The following FBXW8 variants were observed in gnomAD, a reference collection of about 807,000 sequenced individuals.
FBXW8 encodes the protein F-box/WD repeat-containing protein 8.
In FBXW8, 57 loss-of-function variants were observed where a neutral mutation model predicts 65.3. The ratio of observed to expected loss-of-function variants is 0.87; its 90% CI spans 0.71 to 1.09. FBXW8 has a LOEUF of 1.09. Ranked by LOEUF, FBXW8 falls within the 50% of genes least tolerant of loss-of-function variation. FBXW8 has a pLI of 0.00. For missense variants in FBXW8, 777 were observed against 814.8 expected (o/e 0.95, Z 0.57); for synonymous variants, 308 against 330.2 (o/e 0.93, Z 0.73).
chr12:116,969,650 C>A (rs1884533698), intron 5 of FBXW8, among the ~76,000 whole-genome samples: 1 of 151,632 alleles, frequency 6.6e-6, no homozygotes, highest in Non-Finnish European at 1.5e-5. Flanking sequence ...AACTTCAGTT[C>A]TCTGGTTGTG....
intron 8 of FBXW8, among the ~76,000 whole-genome samples, chr12:117,017,386 G>T (rs1475062503): frequency 6.6e-6 from 1 of 152,176 alleles, no homozygotes; most frequent in African/African-American, 2.4e-5. Context: ...TCTATACAGA[G>T]AACTCTAAAC....
chr12:116,976,406 T>C (rs1308426102), intron 5 of FBXW8, among the ~76,000 whole-genome samples: 6 of 148,650 alleles, frequency 4.0e-5, no homozygotes, highest in African/African-American at 1.5e-4. Flanking sequence ...AAAAAATGCA[T>C]GATGATGAGT....
chr12:116,912,041 G>A (rs749757786), intron 1 of FBXW8, among the ~76,000 whole-genome samples: 2 of 152,014 alleles, frequency 1.3e-5, no homozygotes, highest in Non-Finnish European at 2.9e-5. Flanking sequence ...GGAAAATCAA[G>A]AACACCTGAA....
intron 5 of FBXW8, among the ~76,000 whole-genome samples, chr12:116,975,840 C>T (rs968676339): frequency 4.6e-5 from 7 of 152,140 alleles, no homozygotes; most frequent in Non-Finnish European, 8.8e-5. Context: ...TGAGTAATTG[C>T]CCCAGATTGG....
rs1421195739 is a variant in FBXW8 at position 116,949,668 on chromosome 12, G to T, written c.639G>T (p.Leu213Phe). Residue 213 changes from leucine (L) to phenylalanine (F), a missense_variant, in exon 4 of 11, where the codon TTG (leucine) becomes TTT (phenylalanine). Transcript: ENST00000652555. Reference sequence around the variant, plus strand: ...TGGAGCATGTTCCTGACACAGTTTTGTGTGATGTGCATTCTCACGATGGTG... The same window carrying T: ...TGGAGCATGTTCCTGACACAGTTTTTTGTGATGTGCATTCTCACGATGGTG... ...SELEHVPDTV[L>F]CDVHSHDGVV... The T allele has an allele frequency of 5.0e-6, 8 of 1,614,074 alleles. No individual in the cohort carries two copies. Among genetic ancestry groups the T allele is most frequent in the Non-Finnish European group, 6.8e-6 (8 of 1,180,038 alleles).
intron 5 of FBXW8, among the ~76,000 whole-genome samples, chr12:116,984,803 G>C (rs375716714): frequency 1.4e-4 from 21 of 152,182 alleles, no homozygotes; most frequent in African/African-American, 4.6e-4. Flanking sequence ...AAGCAGCCTG[G>C]GCAACATAGT....
intron 1 of FBXW8, among the ~76,000 whole-genome samples, chr12:116,918,249 A>G (rs1880603928): frequency 6.6e-6 from 1 of 152,136 alleles, no homozygotes; most frequent in African/African-American, 2.4e-5. Context: ...TCTTGGAGAT[A>G]GTGGATATAC....
chr12:117,028,499 C>G lies in FBXW8; in HGVS notation c.*327C>G, dbSNP rs1954292507. The G allele has an allele frequency of 2.7e-5, 7 of 256,128 alleles. No individual in the cohort carries two copies. The highest frequency in any genetic ancestry group is 1.6e-4 in the South Asian group (2 of 12,730). The allele number at this position is 256,128 out of a possible 1,614,324, so 15.9% of individuals were successfully genotyped here. Reference sequence around the variant, plus strand: ...TATACGGTCCCTGCTTAGCCAGCTTCTGTGTGTCCGCCCTCCCAGCTCCAG... The same window carrying G: ...TATACGGTCCCTGCTTAGCCAGCTTGTGTGTGTCCGCCCTCCCAGCTCCAG... On this transcript the variant is annotated 3_prime_UTR_variant, in exon 11 of 11. Coordinates refer to ENST00000652555, the MANE Select transcript of FBXW8 (RefSeq NM_153348.3). This position sits in a 1 kb window ranked among gnomAD's most constrained non-coding sequence, Gnocchi z 4.1.
intron 5 of FBXW8, among the ~76,000 whole-genome samples, chr12:116,982,836 C>A (rs1419390583): frequency 1.3e-5 from 2 of 152,150 alleles, no homozygotes; most frequent in Non-Finnish European, 2.9e-5. Flanking sequence ...CTTGGCAGCA[C>A]CCAGGGTGAG....
At chr12:116,970,249 T>C (rs897087726) in intron 5 of FBXW8, among the ~76,000 whole-genome samples, 2 of 152,190 alleles carry the variant, frequency 1.3e-5, no homozygotes, top group Admixed American at 1.3e-4. Context: ...AAAGAAGTTT[T>C]TATTTGTCCC....
chr12:116,967,894 G>A (rs921953890), intron 5 of FBXW8, among the ~76,000 whole-genome samples: 5 of 152,136 alleles, frequency 3.3e-5, no homozygotes, highest in Admixed American at 2.6e-4. Context: ...AGCCTCCTGA[G>A]TAGCTGGGAT....
intron 8 of FBXW8, 23 bp from the exon 9 acceptor site, chr12:117,024,124 C>T: frequency 1.2e-6 from 2 of 1,606,784 alleles, no homozygotes; most frequent in Non-Finnish European, 1.7e-6. Context: ...TTTCCCTTCT[C>T]TGCTCTTCCT....
Position 116,936,783 on chromosome 12 carries a change from G to A in FBXW8, c.424-8581G>A, listed in dbSNP as rs368719068. 6.6e-5 allele frequency among the ~76,000 whole-genome samples: 10 copies of A among 152,154 alleles called. No homozygotes were observed. The highest frequency in any genetic ancestry group is 2.2e-4 in the African/African-American group (9 of 41,450). On this transcript the variant is annotated intron_variant, in intron 2 of 10. Transcript: ENST00000652555. The surrounding 1 kb of genome is among the most constrained non-coding windows in gnomAD (Gnocchi z 4.6). ...CATAGGAGACTGATACGGGGATGTG[G>A]TGAGCAGAAGGATAAGAGGAGGAGA...
chr12:116,949,466 T>C, intron 3 of FBXW8, 152 bp from the exon 4 acceptor site: 1 of 673,198 alleles, frequency 1.5e-6, no homozygotes, highest in East Asian at 2.7e-5. Context: ...TTAGTCATCA[T>C]CTTTGTCTTT....
intron 5 of FBXW8, among the ~76,000 whole-genome samples, chr12:116,972,772 AATATAG>A (rs1884712305): frequency 1.3e-5 from 2 of 152,186 alleles, no homozygotes; most frequent in South Asian, 4.1e-4. Context: ...TATGGTGTTA[AATATAG>A]ATAGAGAAGT....
At chr12:116,949,867 A>G (rs1883165703) in intron 4 of FBXW8, 161 bp downstream of exon 4, 1 of 695,030 alleles carries the variant, frequency 1.4e-6, no homozygotes, top group East Asian at 2.7e-5. Context: ...TTCTGTTCCC[A>G]AGGACGTGAG....
chr12:116,949,780 C>A, intron 4 of FBXW8, 74 bp downstream of exon 4: 1 of 1,351,896 alleles, frequency 7.4e-7, no homozygotes, highest in Non-Finnish European at 1.1e-6. Flanking sequence ...CCTCTGAGTA[C>A]CAGTGACCTT....
chr12:116,933,637 T>G (rs888769476), intron 2 of FBXW8, among the ~76,000 whole-genome samples: 1 of 152,238 alleles, frequency 6.6e-6, no homozygotes, highest in Non-Finnish European at 1.5e-5. Flanking sequence ...TATATAAGAA[T>G]AGAAAATATT....
At chr12:116,935,238 A>C (rs546424581) in intron 2 of FBXW8, among the ~76,000 whole-genome samples, 1 of 152,208 alleles carries the variant, frequency 6.6e-6, no homozygotes, top group African/African-American at 2.4e-5. Context: ...AGCAAAATAA[A>C]TAAGTAATTC....
Sources: allele counts gnomAD v4.1 joint callset (sites outside exome capture counted in the v4.1 genomes callset), GRCh38; gene constraint gnomAD v4.1.1; non-coding constraint Gnocchi (gnomAD v3.1); transcripts MANE v1.5; gene names NCBI Gene and HGNC (gene_info 2026-07-23, HGNC 2026-07-21).